Variants in TTC3 observed in about 807,000 individuals in gnomAD.
The protein encoded by TTC3 is E3 ubiquitin-protein ligase TTC3.
In TTC3, 180 loss-of-function variants were observed where a neutral mutation model predicts 249.6. The observed-to-expected ratio is 0.72, with a 90% confidence interval of 0.64 to 0.82. The LOEUF (loss-of-function observed/expected upper bound fraction) is 0.82. TTC3 is among the 40% of genes least tolerant of loss of function. TTC3 has a pLI of 0.00. For missense variants in TTC3, 2,061 were observed against 2,398.4 expected (o/e 0.86, Z 2.94); for synonymous variants, 717 against 805.0 (o/e 0.89, Z 1.85).
intron 22 of TTC3, among the ~76,000 whole-genome samples, chr21:37,147,954 C>G (rs1420124694): frequency 6.6e-6 from 1 of 152,172 alleles, no homozygotes; most frequent in East Asian, 1.9e-4. Context: ...GTCTCGATCT[C>G]TTGACTTCGT....
At chr21:37,157,993 C>T in intron 28 of TTC3, 2 of 283,568 alleles carry the variant, frequency 7.1e-6, no homozygotes, top group East Asian at 3.5e-4. Context: ...TTAAAGGGTA[C>T]ATTAAAAGGT....
At position 37,197,466 on chromosome 21, in the gene TTC3, G is replaced by T. The variant is rs1329125167; in HGVS notation, c.5580-104G>T. ...CTTCAGATTAATTTTATGTGCATTT[G>T]TCTTTGTTTCTTTGGGTTGGGCTGT... On this transcript the variant is annotated intron_variant, in intron 42 of 45. Coordinates refer to ENST00000355666, the Ensembl canonical transcript of TTC3. The T allele has an allele frequency of 1.8e-5, 24 of 1,369,148 alleles. No homozygotes were observed. In the South Asian group the frequency reaches 2.5e-4, roughly 14 times the overall value. 84.8% of individuals were successfully genotyped at this position (1,369,148 alleles called of 1,614,324 possible). A position where few individuals can be genotyped will look rare whatever the true frequency, so the allele number is the denominator to read the frequency against.
rs188666411 is a variant in TTC3, at chr21:37,167,728, T to C, written c.4467+108T>C. On this transcript the variant is annotated intron_variant, in intron 34 of 45. Coordinates refer to ENST00000355666, the Ensembl canonical transcript of TTC3. ...GGAGTCAGCTTATTCCACACAAAGTTATCATGGAATAAGCTTGAGAACATA... is the reference window on the plus strand; with the variant it reads ...GGAGTCAGCTTATTCCACACAAAGTCATCATGGAATAAGCTTGAGAACATA... 6.8e-5 allele frequency: 50 copies of C among 732,088 alleles called. No individual in the cohort carries two copies. In the South Asian group the frequency reaches 9.3e-4, roughly 14 times the overall value. The allele number at this position is 732,088 out of a possible 1,614,324, so 45.3% of individuals were successfully genotyped here.
intron 10 of TTC3, among the ~76,000 whole-genome samples, chr21:37,102,697 T>G (rs951358439): frequency 7.9e-5 from 12 of 152,160 alleles, no homozygotes; most frequent in Non-Finnish European, 1.8e-4. Context: ...ATCTGGTGTT[T>G]TAGATTCCAA....
chr21:37,078,152 T>G (rs570918590), intron 1 of TTC3, among the ~76,000 whole-genome samples: 1 of 152,222 alleles, frequency 6.6e-6, no homozygotes, highest in Non-Finnish European at 1.5e-5. Context: ...GTTTAGTTAC[T>G]ACCTGCATGG....
Position 37,096,646 on chromosome 21 carries a change from A to T in TTC3, c.845+3A>T. On this transcript the variant is annotated splice_donor_region_variant and intron_variant, in intron 10 of 45. Coordinates refer to ENST00000355666, the Ensembl canonical transcript of TTC3. ...TTTCTTCGTACTGGACAGTTTAGGTAAGTTGGTTAAAATATCTCAACCACT... is the reference window on the plus strand; with the variant it reads ...TTTCTTCGTACTGGACAGTTTAGGTTAGTTGGTTAAAATATCTCAACCACT... 1 of 1,603,390 alleles carries T rather than the reference A, an allele frequency of 6.2e-7. No individual in the cohort carries two copies. Among genetic ancestry groups the T allele is most frequent in the Non-Finnish European group, 8.5e-7 (1 of 1,173,256 alleles).
intron 1 of TTC3, among the ~76,000 whole-genome samples, chr21:37,080,803 C>T (rs1352616129): frequency 6.6e-6 from 1 of 151,744 alleles, no homozygotes; most frequent in Non-Finnish European, 1.5e-5. Context: ...TTTCATTTTA[C>T]TTTGATTTTT....
At chr21:37,093,362 A>G (rs1265512760) in intron 7 of TTC3, 1 of 136,940 alleles carries the variant, frequency 7.3e-6, no homozygotes, top group Non-Finnish European at 1.5e-5. Flanking sequence ...CTGGGCAACA[A>G]GAGTGAAACT....
intron 35 of TTC3, among the ~76,000 whole-genome samples, chr21:37,173,327 C>T (rs1248905636): frequency 6.6e-6 from 1 of 152,174 alleles, no homozygotes; most frequent in Non-Finnish European, 1.5e-5. Context: ...CTTCATCTTA[C>T]TCCTAAGGAA....
chr21:37,117,626 C>T (rs1365514660), intron 11 of TTC3, among the ~76,000 whole-genome samples: 1 of 151,894 alleles, frequency 6.6e-6, no homozygotes, highest in Non-Finnish European at 1.5e-5. Flanking sequence ...GCGCTCACTC[C>T]TGTAATCCCA....
At chr21:37,126,780 T>C (rs1443649647) in intron 15 of TTC3, among the ~76,000 whole-genome samples, 1 of 152,184 alleles carries the variant, frequency 6.6e-6, no homozygotes, top group African/African-American at 2.4e-5. Flanking sequence ...TCCCGGTTCA[T>C]AGATGGCCAT....
intron 10 of TTC3, among the ~76,000 whole-genome samples, chr21:37,107,100 C>A (rs1481287674): frequency 2.1e-5 from 3 of 144,652 alleles, no homozygotes; most frequent in Non-Finnish European, 4.5e-5. Context: ...TTGTACGTAA[C>A]CTTTTAGTAG....
chr21:37,191,527 A>G, intron 40 of TTC3, 103 bp downstream of exon 40: 2 of 654,954 alleles, frequency 3.1e-6, no homozygotes, highest in South Asian at 6.8e-5. Flanking sequence ...ATCTATTATT[A>G]TCAATAATTT....
chr21:37,166,790 A>G (rs2081290956), intron 33 of TTC3, among the ~76,000 whole-genome samples, 175 bp downstream of exon 33: 1 of 152,224 alleles, frequency 6.6e-6, no homozygotes, highest in Non-Finnish European at 1.5e-5. Flanking sequence ...ATGACAGGTA[A>G]TCTTCTCAGA....
chr21:37,170,575 T>C (rs945609041), intron 34 of TTC3, among the ~76,000 whole-genome samples: 4 of 152,202 alleles, frequency 2.6e-5, no homozygotes, highest in African/African-American at 9.6e-5. Flanking sequence ...CCTCCATCAA[T>C]AGCGGACTAG....
At chr21:37,123,135 A>G (rs2076763678) in intron 13 of TTC3, 107 bp downstream of exon 13, 7 of 1,144,964 alleles carry the variant, frequency 6.1e-6, no homozygotes, top group Middle Eastern at 2.3e-4. Context: ...CAACCACAGT[A>G]AAGTTGGAGA....
chr21:37,108,415 G>A, exon 11 of TTC3: 1 of 1,611,878 alleles, frequency 6.2e-7, no homozygotes, highest in Non-Finnish European at 8.5e-7. Flanking sequence ...GATGGAAAGA[G>A]AGCCACTATT....
rs531968917 is a variant in TTC3, at chr21:37,127,159, G to C, written c.1297+1016G>C. 1.5e-3 allele frequency among the ~76,000 whole-genome samples: 223 copies of C among 152,244 alleles called. 2 individuals are homozygous for C. Among genetic ancestry groups the C allele is most frequent in the African/African-American group, 4.9e-3 (204 of 41,542 alleles). ...TGTGTGCCACCACGCCCAGCCTGGG[G>C]TCTCTTCTTATAAGGGCACTAATCC... On this transcript the variant is annotated intron_variant, in intron 15 of 45. Transcript: ENST00000355666.
At chr21:37,158,935 A>G (rs773237202) in intron 28 of TTC3, among the ~76,000 whole-genome samples, 3 of 82,086 alleles carry the variant, frequency 3.7e-5, no homozygotes, top group Non-Finnish European at 7.1e-5. Flanking sequence ...ACTGGACTCC[A>G]TGCCTCTAGA....
Sources: allele counts gnomAD v4.1 joint callset (sites outside exome capture counted in the v4.1 genomes callset), GRCh38; gene constraint gnomAD v4.1.1; transcripts MANE v1.5; gene names NCBI Gene and HGNC (gene_info 2026-07-23, HGNC 2026-07-21).